The following SGCD variants were observed in gnomAD, a reference collection of about 807,000 sequenced individuals.
SGCD encodes the protein delta-sarcoglycan.
A neutral mutation model predicts 36.6 loss-of-function variants in SGCD; 18 were observed. The ratio of observed to expected loss-of-function variants is 0.49; its 90% CI spans 0.34 to 0.73. The LOEUF (loss-of-function observed/expected upper bound fraction) is 0.73, where lower values mean the gene tolerates loss of function less well. Among genes scored for constraint, SGCD ranks in the 30% least tolerant of loss-of-function variants. The pLI is 0.01. For synonymous variants in SGCD, 133 were observed against 130.6 expected, an observed-to-expected ratio of 1.02 and a Z score of -0.12; for missense variants, 387 against 346.7, an observed-to-expected ratio of 1.12 and a Z score of -0.92.
chr5:156,249,037 T>G (rs979021412), intron 3 of SGCD, among the ~76,000 whole-genome samples: 2 of 152,206 alleles, frequency 1.3e-5, no homozygotes, highest in African/African-American at 4.8e-5. Context: ...GAGGTAACTT[T>G]GAGACACTAA....
intron 4 of SGCD, among the ~76,000 whole-genome samples, chr5:156,548,115 A>G (rs1293013063): frequency 6.6e-6 from 1 of 152,208 alleles, no homozygotes; most frequent in African/African-American, 2.4e-5. Flanking sequence ...AGCCTGAGTC[A>G]CTAAAGAGTG....
chr5:156,369,538 C>T (rs768796347), intron 3 of SGCD, among the ~76,000 whole-genome samples: 1 of 152,112 alleles, frequency 6.6e-6, no homozygotes, highest in African/African-American at 2.4e-5. Flanking sequence ...ATTTGAAAGC[C>T]ATTAAAGGAG....
At chr5:156,302,672 G>A (rs1231522961) in intron 3 of SGCD, among the ~76,000 whole-genome samples, 5 of 152,160 alleles carry the variant, frequency 3.3e-5, no homozygotes, top group African/African-American at 4.8e-5. Context: ...GGCTTTCCAA[G>A]TATTTAAGAG....
intron 1 of SGCD, among the ~76,000 whole-genome samples, chr5:156,107,897 T>A (rs1357213826): frequency 3.3e-5 from 5 of 152,156 alleles, no homozygotes; most frequent in Admixed American, 2.6e-4. Context: ...CAAACAAGAA[T>A]AGTGAAGTAA....
intron 3 of SGCD, among the ~76,000 whole-genome samples, chr5:156,185,101 A>G (rs1365222110): frequency 6.6e-6 from 1 of 152,090 alleles, no homozygotes; most frequent in African/African-American, 2.4e-5. Context: ...GAATTCTAAA[A>G]ATAATTGAAA....
chr5:156,488,131 C>G (rs1211663857), intron 3 of SGCD, among the ~76,000 whole-genome samples: 1 of 107,226 alleles, frequency 9.3e-6, no homozygotes, highest in Non-Finnish European at 1.9e-5. Flanking sequence ...TTTTAAATAA[C>G]CCAGTTAGAC....
chr5:156,298,680 C>G (rs1766968474), intron 3 of SGCD, among the ~76,000 whole-genome samples: 1 of 151,220 alleles, frequency 6.6e-6, no homozygotes, highest in Admixed American at 6.6e-5. Context: ...ATCCACCCAC[C>G]TCAGCCTCCC....
intron 3 of SGCD, among the ~76,000 whole-genome samples, chr5:156,477,325 A>G (rs984830443): frequency 6.6e-6 from 1 of 152,210 alleles, no homozygotes; most frequent in South Asian, 2.1e-4. Context: ...TCTTCCAAGT[A>G]CAATATAACC....
At chr5:156,442,280 G>A (rs1753527373) in intron 3 of SGCD, among the ~76,000 whole-genome samples, 1 of 152,168 alleles carries the variant, frequency 6.6e-6, no homozygotes, top group Non-Finnish European at 1.5e-5. Flanking sequence ...AAGTAAGGAT[G>A]CTAAAGACAC....
At chr5:155,986,442 T>A (rs920925159) in intron 1 of SGCD, among the ~76,000 whole-genome samples, 1 of 149,402 alleles carries the variant, frequency 6.7e-6, no homozygotes, top group South Asian at 2.1e-4. Flanking sequence ...ATGGAACACA[T>A]GAGGTTAAGT....
intron 1 of SGCD, among the ~76,000 whole-genome samples, chr5:155,949,481 C>T (rs905386280): frequency 6.6e-6 from 1 of 152,012 alleles, no homozygotes; most frequent in African/African-American, 2.4e-5. Context: ...AACGAGGTTT[C>T]GTGAGATTAA....
intron 4 of SGCD, among the ~76,000 whole-genome samples, chr5:156,554,520 G>C (rs892033755): frequency 6.7e-6 from 1 of 149,876 alleles, no homozygotes; most frequent in Non-Finnish European, 1.5e-5. Context: ...AAAACTGTTT[G>C]TGTATATATG....
the SGCD span, among the ~76,000 whole-genome samples, chr5:155,803,497 C>T: frequency 6.6e-6 from 1 of 152,144 alleles, no homozygotes; most frequent in South Asian, 2.1e-4. Flanking sequence ...CTCCTATACT[C>T]CAGAGCCTCT....
intron 1 of SGCD, among the ~76,000 whole-genome samples, chr5:156,059,869 T>C (rs1760158686): frequency 6.8e-6 from 1 of 146,658 alleles, no homozygotes; most frequent in African/African-American, 2.5e-5. Flanking sequence ...TTGCTGACTT[T>C]TTATGTTTTT....
At chr5:156,539,599 T>C (rs1352551134) in intron 4 of SGCD, among the ~76,000 whole-genome samples, 1 of 152,182 alleles carries the variant, frequency 6.6e-6, no homozygotes, top group Non-Finnish European at 1.5e-5. Flanking sequence ...TCATTCATTT[T>C]TATGGCTGAG....
chr5:156,673,604 C>T (rs2113664470), intron 7 of SGCD, among the ~76,000 whole-genome samples: 1 of 152,286 alleles, frequency 6.6e-6, no homozygotes, highest in South Asian at 2.1e-4. Flanking sequence ...CATCTGGGCT[C>T]AAACACACTC....
chr5:156,555,243 T>A (rs1398045985), intron 4 of SGCD, among the ~76,000 whole-genome samples: 4 of 152,196 alleles, frequency 2.6e-5, no homozygotes, highest in Non-Finnish European at 4.4e-5. Context: ...ATTTATCTAC[T>A]TTTTCTTTGA....
At chr5:156,222,899 G>C (rs1764752903) in intron 3 of SGCD, among the ~76,000 whole-genome samples, 1 of 151,996 alleles carries the variant, frequency 6.6e-6, no homozygotes, top group African/African-American at 2.4e-5. Context: ...AAACCTTCCT[G>C]TCAAAAATGT....
At chr5:156,665,038 G>A (rs1333976512) in intron 7 of SGCD, among the ~76,000 whole-genome samples, 4 of 150,630 alleles carry the variant, frequency 2.7e-5, no homozygotes, top group Non-Finnish European at 4.4e-5. Flanking sequence ...CCTAGTGGGC[G>A]GCTGATGGTA....
Sources: allele counts gnomAD v4.1 joint callset (sites outside exome capture counted in the v4.1 genomes callset), GRCh38; gene constraint gnomAD v4.1.1; transcripts MANE v1.5; gene names NCBI Gene and HGNC (gene_info 2026-07-23, HGNC 2026-07-21).